Variants in ADAMTS18 observed in about 807,000 individuals in gnomAD.
ADAMTS18 encodes the protein ADAM metallopeptidase with thrombospondin type 1 motif 18.
ADAMTS18 carries 157 observed loss-of-function variants against 165.9 expected under a neutral mutation model. That is an observed-to-expected ratio of 0.95 (90% CI 0.83 to 1.08). The LOEUF (loss-of-function observed/expected upper bound fraction) is 1.08. Among genes scored for constraint, ADAMTS18 ranks in the 50% least tolerant of loss-of-function variants. ADAMTS18 has a pLI of 0.00. For synonymous variants in ADAMTS18, 782 were observed against 578.2 expected (o/e 1.35, Z -5.06); for missense variants, 2,040 against 1,534.0 (o/e 1.33, Z -5.51).
At chr16:77,288,491 T>C (rs929939140) in intron 22 of ADAMTS18, among the ~76,000 whole-genome samples, 2 of 152,106 alleles carry the variant, frequency 1.3e-5, no homozygotes, top group African/African-American at 2.4e-5. Flanking sequence ...TTACTTCAAA[T>C]AGTGAAGAAT....
At chr16:77,296,089 C>G (rs1333067968) in intron 18 of ADAMTS18, among the ~76,000 whole-genome samples, 2 of 152,196 alleles carry the variant, frequency 1.3e-5, no homozygotes, top group Middle Eastern at 6.8e-3. Flanking sequence ...TGCATCACCA[C>G]AAACCAAACA....
intron 6 of ADAMTS18, 123 bp downstream of exon 6, chr16:77,363,679 C>G: frequency 7.5e-6 from 6 of 802,488 alleles, no homozygotes. Flanking sequence ...TGAGGAGAGT[C>G]AGCCTAGTTT....
intron 11 of ADAMTS18, among the ~76,000 whole-genome samples, chr16:77,339,255 C>A (rs2056361460): frequency 1.3e-5 from 2 of 152,084 alleles, no homozygotes; most frequent in Admixed American, 1.3e-4. Context: ...ATAATCATTA[C>A]ACGGGAGTGA....
chr16:77,299,459 C>T (rs2055538633), intron 17 of ADAMTS18, among the ~76,000 whole-genome samples: 1 of 152,130 alleles, frequency 6.6e-6, no homozygotes, highest in Non-Finnish European at 1.5e-5. Flanking sequence ...AGAATTTCTT[C>T]ATTTTCTGTA....
intron 3 of ADAMTS18, among the ~76,000 whole-genome samples, chr16:77,426,619 C>G (rs1374226166): frequency 1.3e-5 from 2 of 152,196 alleles, no homozygotes; most frequent in Non-Finnish European, 2.9e-5. Context: ...ATTCTCTTCC[C>G]TAGATTGTAA....
At chr16:77,284,130 T>C in intron 22 of ADAMTS18, 59 bp from the exon 23 acceptor site, 2 of 1,265,004 alleles carry the variant, frequency 1.6e-6, no homozygotes, top group Non-Finnish European at 2.3e-6. Flanking sequence ...TTTCTTTTTT[T>C]TTTTTTTTGA....
At chr16:77,312,263 T>A (rs997308216) in intron 16 of ADAMTS18, among the ~76,000 whole-genome samples, 3 of 150,040 alleles carry the variant, frequency 2.0e-5, no homozygotes, top group Non-Finnish European at 3.0e-5. Flanking sequence ...TGAGACGGAG[T>A]TTTGTTCTCG....
chr16:77,358,425 G>C (rs1223132021), intron 8 of ADAMTS18, among the ~76,000 whole-genome samples: 3 of 152,112 alleles, frequency 2.0e-5, no homozygotes, highest in African/African-American at 7.2e-5. Flanking sequence ...AGCCAGGCAT[G>C]GTAGTGGGCA....
At position 77,294,898 on chromosome 16, in the gene ADAMTS18, T is replaced by G. The variant is rs201899506; in HGVS notation, c.3006+25A>C. 31 of 1,612,162 alleles carry G rather than the reference T, an allele frequency of 1.9e-5. No homozygotes were observed. In the East Asian group the frequency reaches 6.5e-4, roughly 34 times the overall value. Reference sequence around the variant, plus strand: ...TTGCCTTCATGGGGACCGAGAATAGTAACTCCCAAGTTTTCTCCTGTTACC... The same window carrying G: ...TTGCCTTCATGGGGACCGAGAATAGGAACTCCCAAGTTTTCTCCTGTTACC... On this transcript the variant is annotated intron_variant, in intron 19 of 22. Coordinates refer to ENST00000282849, the MANE Select transcript of ADAMTS18 (RefSeq NM_199355.4).
chr16:77,308,244 G>C lies in ADAMTS18; in HGVS notation c.2533-7840C>G, dbSNP rs866810764. 7.9e-5 allele frequency among the ~76,000 whole-genome samples: 12 copies of C among 152,230 alleles called. No individual in the cohort carries two copies. The South Asian group carries it at 2.5e-3, about 32-fold the overall frequency. On this transcript the variant is annotated intron_variant, in intron 16 of 22. Coordinates refer to ENST00000282849, the MANE Select transcript of ADAMTS18 (RefSeq NM_199355.4). ...AAGGAATGCTGTGAAAACACAGGTG[G>C]TCATATTTCAGCCATACAATAGCAA...
chr16:77,368,440 T>C (rs1411466293), intron 3 of ADAMTS18, among the ~76,000 whole-genome samples: 1 of 149,966 alleles, frequency 6.7e-6, no homozygotes, highest in Non-Finnish European at 1.5e-5. Flanking sequence ...TTTTTTTCTT[T>C]TTTTTTTTTT....
At chr16:77,427,998 T>C (rs1021079956) in intron 3 of ADAMTS18, among the ~76,000 whole-genome samples, 1 of 152,204 alleles carries the variant, frequency 6.6e-6, no homozygotes, top group South Asian at 2.1e-4. Flanking sequence ...GCAGACAAGA[T>C]AATGGTAGAT....
intron 16 of ADAMTS18, among the ~76,000 whole-genome samples, chr16:77,312,136 G>A (rs756538727): frequency 2.6e-5 from 4 of 151,872 alleles, no homozygotes; most frequent in Non-Finnish European, 2.9e-5. Flanking sequence ...GGTGCTGTCC[G>A]TATTATTTAC....
intron 3 of ADAMTS18, among the ~76,000 whole-genome samples, chr16:77,389,804 G>T (rs1013835462): frequency 6.6e-6 from 1 of 152,208 alleles, no homozygotes; most frequent in Non-Finnish European, 1.5e-5. Flanking sequence ...TCAGTTGCTT[G>T]CAGCTATTTG....
rs183150981 is a variant in ADAMTS18 at position 77,388,392 on chromosome 16, G to A, written c.496-20669C>T. On this transcript the variant is annotated intron_variant, in intron 3 of 22. Coordinates refer to ENST00000282849, the MANE Select transcript of ADAMTS18 (RefSeq NM_199355.4). ...TGGGGTTACAGGTATGAGCCACTGT[G>A]CCTGGCCAGAAAGCTCTTCTATGAC... is the stretch of plus-strand genomic sequence containing the variant. 1.3e-3 allele frequency among the ~76,000 whole-genome samples: 196 copies of A among 152,300 alleles called. 1 individual carries two copies. Among genetic ancestry groups the A allele is most frequent in the African/African-American group, 4.3e-3 (180 of 41,568 alleles).
At chr16:77,314,787 A>ATATATATATATGTATAT (rs1567474883) in intron 16 of ADAMTS18, among the ~76,000 whole-genome samples, 2 of 49,326 alleles carry the variant, frequency 4.1e-5, no homozygotes, top group Non-Finnish European at 7.8e-5. Flanking sequence ...TATATATATA[A>ATATATATATATGTATAT]AATATATGTG....
At chr16:77,332,528 T>C (rs2056206499) in intron 12 of ADAMTS18, among the ~76,000 whole-genome samples, 3 of 152,172 alleles carry the variant, frequency 2.0e-5, no homozygotes, top group African/African-American at 4.8e-5. Flanking sequence ...TTTTTATACA[T>C]AAACCCAAGT....
rs1328382450 is a variant in ADAMTS18 at position 77,291,278 on chromosome 16, C to T, written c.3390G>A (p.Leu1130=). The part of the protein sequence containing the change: ...VYNMVAGWYS[L]PWQQCTVTCG... Reference sequence around the variant, plus strand: ...GGCCTGTACCCACCTGCTGCCACGGCAATGAATACCATCCAGCTACCATGT... The same window carrying T: ...GGCCTGTACCCACCTGCTGCCACGGTAATGAATACCATCCAGCTACCATGT... The change falls in exon 21 of 23, where the codon TTG becomes TTA. Residue 1130 remains leucine, a synonymous_variant. Transcript: ENST00000282849. The T allele has an allele frequency of 6.2e-7, 1 of 1,614,066 alleles. No homozygotes were observed. The highest frequency in any genetic ancestry group is 8.5e-7 in the Non-Finnish European group (1 of 1,180,026).
At chr16:77,292,238 C>A (rs1316334413) in intron 20 of ADAMTS18, among the ~76,000 whole-genome samples, 1 of 152,160 alleles carries the variant, frequency 6.6e-6, no homozygotes, top group East Asian at 1.9e-4. Context: ...GTGGAGGCTG[C>A]AGTGAGCTGA....
Sources: gnomAD v4.1 joint callset for allele counts (sites outside exome capture counted in the v4.1 genomes callset) on GRCh38, gnomAD v4.1.1 for gene constraint, MANE v1.5 for transcripts, NCBI Gene and HGNC (gene_info 2026-07-23, HGNC 2026-07-21) for gene names.